SIMC1: variants seen among roughly 807,000 people sequenced by gnomAD.
SIMC1 encodes the protein SUMO interacting motifs containing 1, also known as SUMO-interacting motif-containing protein 1.
In SIMC1, 55 loss-of-function variants were observed where a neutral mutation model predicts 82.3. The ratio of observed to expected loss-of-function variants is 0.67; its 90% CI spans 0.54 to 0.84. The LOEUF (loss-of-function observed/expected upper bound fraction) is 0.84. SIMC1 is among the 40% of genes least tolerant of loss of function. The probability of loss-of-function intolerance (pLI) is 0.00; values close to 1 mark genes in which losing one functional copy is unlikely to be tolerated. For synonymous variants in SIMC1, 353 were observed against 426.3 expected (o/e 0.83, Z 2.12); for missense variants, 915 against 1,107.2 (o/e 0.83, Z 2.46).
intron 7 of SIMC1, among the ~76,000 whole-genome samples, chr5:176,330,610 A>G (rs1765606192): frequency 6.6e-6 from 1 of 152,168 alleles, no homozygotes; most frequent in Admixed American, 6.5e-5. Context: ...TCCAAAATGA[A>G]TATTGACAGT....
rs1339615286 is a variant in SIMC1, at chr5:176,326,548, A to G, written c.2171+1791A>G. On this transcript the variant is annotated intron_variant, in intron 7 of 9. Coordinates refer to ENST00000429602, the MANE Select transcript of SIMC1 (RefSeq NM_001308195.2). ...GCACCCAACCTTATTTATTTTTCTT[A>G]TAATGTTATCCCTATTTATTTATTT... Among the ~76,000 whole-genome samples, 9 of 151,264 alleles carry G rather than the reference A, an allele frequency of 5.9e-5. No individual in the cohort carries two copies. The Admixed American group carries it at 6.0e-4, about 10-fold the overall frequency.
chr5:176,305,562 C>T (rs780978329), intron 4 of SIMC1, among the ~76,000 whole-genome samples: 10,477 of 130,976 alleles, frequency 0.08, 38 homozygotes, highest in Admixed American at 0.11. Flanking sequence ...GGCCAGCCGC[C>T]CCGTCCGGGA....
At chr5:176,275,698 T>C (rs948723126) in intron 1 of SIMC1, among the ~76,000 whole-genome samples, 9 of 152,068 alleles carry the variant, frequency 5.9e-5, no homozygotes, top group African/African-American at 1.9e-4. Context: ...TTGAATTTTG[T>C]CAACAACCTT....
chr5:176,304,942 C>G (rs1400906505), intron 4 of SIMC1, among the ~76,000 whole-genome samples: 5 of 125,214 alleles, frequency 4.0e-5, no homozygotes, highest in Non-Finnish European at 8.7e-5. Flanking sequence ...AGGAGACCCT[C>G]TGCCTGGCAA....
chr5:176,344,845 CAT>C (rs1471752140), intron 9 of SIMC1, among the ~76,000 whole-genome samples: 1 of 152,176 alleles, frequency 6.6e-6, no homozygotes, highest in East Asian at 1.9e-4. Context: ...TGATCATACT[CAT>C]GTTAAATACT....
chr5:176,303,850 G>A (rs1029977336), intron 4 of SIMC1, among the ~76,000 whole-genome samples: 1 of 152,102 alleles, frequency 6.6e-6, no homozygotes, highest in Non-Finnish European at 1.5e-5. Context: ...GGAAAAAGTG[G>A]ATATCCACTT....
intron 4 of SIMC1, among the ~76,000 whole-genome samples, chr5:176,303,127 G>T (rs1215186395): frequency 6.6e-6 from 1 of 151,968 alleles, no homozygotes; most frequent in East Asian, 1.9e-4. Context: ...CTTTAGCCGG[G>T]CATGATGGTG....
At position 176,308,418 on chromosome 5, in the gene SIMC1, G is replaced by A. The variant is rs1581290178; in HGVS notation, c.1735-5273G>A. Reference sequence around the variant, plus strand: ...GACAGGCCACCCCATGAGAGTTGTGGGCTGGTATCATTCCCATCCTCATAT... The same window carrying A: ...GACAGGCCACCCCATGAGAGTTGTGAGCTGGTATCATTCCCATCCTCATAT... On this transcript the variant is annotated intron_variant, in intron 4 of 9. Coordinates refer to ENST00000429602, the MANE Select transcript of SIMC1 (RefSeq NM_001308195.2). 6.8e-6 allele frequency: 11 copies of A among 1,607,514 alleles called. No homozygotes were observed. The East Asian group carries it at 2.2e-4, about 33-fold the overall frequency.
intron 7 of SIMC1, among the ~76,000 whole-genome samples, chr5:176,334,179 T>TAA (rs1765788765): frequency 6.6e-6 from 1 of 152,210 alleles, no homozygotes; most frequent in Non-Finnish European, 1.5e-5. Flanking sequence ...AATTACATCT[T>TAA]CCTGCTTTTT....
chr5:176,243,459 T>C (rs1178968019), intron 1 of SIMC1, among the ~76,000 whole-genome samples: 2 of 152,058 alleles, frequency 1.3e-5, no homozygotes, highest in East Asian at 3.9e-4. Context: ...ATTTGGATTT[T>C]ATTGTAATAC....
At chr5:176,305,526 G>C (rs1485761626) in intron 4 of SIMC1, among the ~76,000 whole-genome samples, 2 of 139,026 alleles carry the variant, frequency 1.4e-5, no homozygotes, top group African/African-American at 5.5e-5. Context: ...GTCTGGGAGG[G>C]AGGTGGGGGG....
At chr5:176,246,599 A>G (rs990250441) in intron 1 of SIMC1, among the ~76,000 whole-genome samples, 1 of 151,930 alleles carries the variant, frequency 6.6e-6, no homozygotes, top group African/African-American at 2.4e-5. Flanking sequence ...CACCATGCCT[A>G]GCTAATTTTT....
chr5:176,251,966 T>C (rs4266419), intron 1 of SIMC1, among the ~76,000 whole-genome samples: 108,848 of 147,090 alleles, frequency 0.74, 40,465 homozygotes, highest in Middle Eastern at 0.84. Flanking sequence ...AATGAAAAGT[T>C]TCCCATGTCT....
In SIMC1 at chr5:176,322,223, C is replaced by T. The variant is rs1279848795; in HGVS notation, c.1890-50C>T. The T allele has an allele frequency of 8.8e-6, 13 of 1,477,792 alleles. No individual in the cohort carries two copies. In the Admixed American group the frequency reaches 1.0e-4, roughly 11 times the overall value. The allele number at this position is 1,477,792 out of a possible 1,614,324, so 91.5% of individuals were successfully genotyped here. On this transcript the variant is annotated intron_variant, in intron 5 of 9. Transcript: ENST00000429602. ...CCTTTTCTTTCTTTATTTTTTTTTT[C>T]TGCACAGAAAAAGAAAGAATAAACC...
chr5:176,296,453 C>T (rs1763821531), intron 4 of SIMC1, 133 bp downstream of exon 4: 8 of 1,463,896 alleles, frequency 5.5e-6, no homozygotes, highest in South Asian at 1.3e-5. Flanking sequence ...AGTTTGAGCC[C>T]AGGAGTTCAA....
intron 4 of SIMC1, among the ~76,000 whole-genome samples, chr5:176,306,129 T>C (rs1443820220): frequency 3.0e-5 from 2 of 67,792 alleles, no homozygotes; most frequent in East Asian, 9.9e-4. Context: ...GGAGCCCCTC[T>C]GCCCGGCCAG....
At chr5:176,313,959 A>C in intron 5 of SIMC1, 114 bp downstream of exon 5, 2 of 1,342,482 alleles carry the variant, frequency 1.5e-6, no homozygotes, top group Non-Finnish European at 2.0e-6. Flanking sequence ...ATAGTGTAAT[A>C]GGGCTAATTT....
At chr5:176,283,805 G>A (rs971164329) in intron 1 of SIMC1, among the ~76,000 whole-genome samples, 3 of 152,204 alleles carry the variant, frequency 2.0e-5, no homozygotes, top group South Asian at 2.1e-4. Flanking sequence ...GCACACATAG[G>A]CTCAAAATAA....
intron 1 of SIMC1, among the ~76,000 whole-genome samples, chr5:176,278,894 T>A: frequency 6.6e-6 from 1 of 151,450 alleles, no homozygotes; most frequent in African/African-American, 2.4e-5. Flanking sequence ...TCATCAAGGA[T>A]ATTGGTCTAA....
Sources: gnomAD v4.1 joint callset for allele counts (sites outside exome capture counted in the v4.1 genomes callset) on GRCh38, gnomAD v4.1.1 for gene constraint, MANE v1.5 for transcripts, NCBI Gene and HGNC (gene_info 2026-07-23, HGNC 2026-07-21) for gene names.